Variants in CCNA1 observed in about 807,000 individuals in gnomAD.
CCNA1 encodes the protein cyclin-A1.
In CCNA1, 23 loss-of-function variants were observed where a neutral mutation model predicts 54.1. The ratio of observed to expected loss-of-function variants is 0.42; its 90% CI spans 0.31 to 0.60. The LOEUF is 0.60. CCNA1 is among the 20% of genes least tolerant of loss of function. The pLI is 0.14. For synonymous variants in CCNA1, 208 were observed against 213.9 expected, an observed-to-expected ratio of 0.97 and a Z score of 0.24; for missense variants, 450 against 556.7, an observed-to-expected ratio of 0.81 and a Z score of 1.93.
At position 36,437,691 on chromosome 13, in the gene CCNA1, A is replaced by T; in HGVS notation, c.360A>T (p.Lys120Asn). ...ATGCCTTCCCTCCAGCTGGAAAGAA[A>T]GCACTCCCTGACTGTGGGGTCCAAG... Residue 120 changes from lysine (K) to asparagine (N), a missense_variant, in exon 3 of 9, where the codon AAA (lysine) becomes AAT (asparagine). Physicochemically the swap from Lys to Asn is moderately conservative, Grantham distance 94 (BLOSUM62 0). Coordinates refer to ENST00000255465, the MANE Select transcript of CCNA1 (RefSeq NM_003914.4). 6.2e-7 allele frequency: 1 copy of T among 1,614,064 alleles called. No homozygotes were observed. The highest frequency in any genetic ancestry group is 8.5e-7 in the Non-Finnish European group (1 of 1,179,922).
chr13:36,438,423 T>C (rs1165935250), intron 4 of CCNA1, among the ~76,000 whole-genome samples: 1 of 152,162 alleles, frequency 6.6e-6, no homozygotes, highest in Non-Finnish European at 1.5e-5. Flanking sequence ...ATAATTCATA[T>C]TGCCATTCTC....
At chr13:36,433,665 C>A (rs1370447990) in intron 2 of CCNA1, among the ~76,000 whole-genome samples, 2 of 151,278 alleles carry the variant, frequency 1.3e-5, no homozygotes, top group East Asian at 3.9e-4. Flanking sequence ...CTCAGCCTCC[C>A]GAGTAGCTGG....
Position 36,442,741 on chromosome 13 carries a change from T to C in CCNA1, c.*76T>C. ...AATAATCGTCATAGGCTTCTGCACG[T>C]TGGATCAACTAATGTTGTTTACAAT... On this transcript the variant is annotated 3_prime_UTR_variant, in exon 9 of 9. Coordinates refer to ENST00000255465, the MANE Select transcript of CCNA1 (RefSeq NM_003914.4). 8.9e-7 allele frequency: 1 copy of C among 1,125,348 alleles called. No individual in the cohort carries two copies. Among genetic ancestry groups the C allele is most frequent in the Non-Finnish European group, 1.3e-6 (1 of 741,112 alleles). 69.7% of individuals were successfully genotyped at this position (1,125,348 alleles called of 1,614,324 possible).
intron 2 of CCNA1, among the ~76,000 whole-genome samples, chr13:36,434,826 GC>G (rs368520828): frequency 0.028 from 3,103 of 110,768 alleles, 214 homozygotes; most frequent in African/African-American, 0.09. Context: ...CATGAGAGGT[GC>G]CCCCCCCCCC....
At chr13:36,434,372 C>T (rs2055775173) in intron 2 of CCNA1, among the ~76,000 whole-genome samples, 1 of 152,176 alleles carries the variant, frequency 6.6e-6, no homozygotes, top group Admixed American at 6.5e-5. Flanking sequence ...GATTAGAAGC[C>T]TCTCATCTAC....
intron 2 of CCNA1, among the ~76,000 whole-genome samples, chr13:36,436,728 A>G (rs968560790): frequency 6.6e-6 from 1 of 152,224 alleles, no homozygotes; most frequent in African/African-American, 2.4e-5. Context: ...TCTTACAGAC[A>G]TAAGTCACCT....
At chr13:36,434,826 G>GC (rs368520828) in intron 2 of CCNA1, among the ~76,000 whole-genome samples, 8,158 of 110,592 alleles carry the variant, frequency 0.074, 486 homozygotes, top group Middle Eastern at 0.095. Flanking sequence ...CATGAGAGGT[G>GC]CCCCCCCCCC....
intron 2 of CCNA1, among the ~76,000 whole-genome samples, chr13:36,436,864 C>T (rs559910086): frequency 1.1e-4 from 17 of 152,152 alleles, no homozygotes; most frequent in Non-Finnish European, 2.2e-4. Flanking sequence ...CTGGCATTTG[C>T]GTAAATATAG....
chr13:36,437,650 T>C lies in CCNA1; in HGVS notation c.319T>C (p.Tyr107His). The C allele has an allele frequency of 6.2e-7, 1 of 1,614,024 alleles. No homozygotes were observed. The highest frequency in any genetic ancestry group is 8.5e-7 in the Non-Finnish European group (1 of 1,179,906). ...TTAGGGGATCACAAGAATCAGGTGT[T>C]ATTCTGGATCAGAAAATGCCTTCCC... The change falls in exon 3 of 9, where the codon TAT (tyrosine) becomes CAT (histidine). Residue 107 changes from tyrosine to histidine, a missense_variant. By Grantham distance (83) the Tyr-to-His change is moderately conservative (BLOSUM62 2). Around this residue, in one of 6 missense-constraint regions of CCNA1, gnomAD observed 19 missense variants for 40.5 expected, o/e 0.47. Transcript: ENST00000255465.
At position 36,433,369 on chromosome 13, in the gene CCNA1, A is replaced by AT. The variant is rs1356208853; in HGVS notation, c.297+152dup. ...GGACTACAGGAAAGTTGATTGATTTATTTTCTTTCTTTCTTTCTTTCTTTC... is the reference window on the plus strand; with the variant it reads ...GGACTACAGGAAAGTTGATTGATTTATTTTTCTTTCTTTCTTTCTTTCTTTC... On this transcript the variant is annotated intron_variant, in intron 2 of 8. Coordinates refer to ENST00000255465, the MANE Select transcript of CCNA1 (RefSeq NM_003914.4). The AT allele has an allele frequency of 3.2e-5, 11 of 339,622 alleles. 1 individual carries two copies. The Admixed American group carries it at 5.8e-4, about 18-fold the overall frequency. The allele number at this position is 339,622 out of a possible 1,614,324, so 21.0% of individuals were successfully genotyped here. A position where few individuals can be genotyped will look rare whatever the true frequency, so the allele number is the denominator to read the frequency against.
chr13:36,442,839 AT>A lies in CCNA1; in HGVS notation c.*180del, dbSNP rs1300447474. On this transcript the variant is annotated 3_prime_UTR_variant, in exon 9 of 9. Transcript: ENST00000255465. ...TTAGTAGTTTGTAATATAGTCCAAC[AT>A]TTTTTAAACAATAAACTGCTTGTCT... 8.4e-6 allele frequency: 5 copies of A among 593,514 alleles called. No homozygotes were observed. Among genetic ancestry groups the A allele is most frequent in the Non-Finnish European group, 1.5e-5 (5 of 335,680 alleles). The allele number at this position is 593,514 out of a possible 1,614,324, so 36.8% of individuals were successfully genotyped here.
rs781088948 is a variant in CCNA1 at position 36,442,311 on chromosome 13, C to T, written c.1346+7C>T. The stretch of plus-strand genomic sequence containing the variant: ...AGAAGTACAAGGCTTCAAAGTAAGT[C>T]ACTGACATTTTCATATCTTAGCTCT... On this transcript the variant is annotated splice_region_variant and intron_variant, in intron 8 of 8. Coordinates refer to ENST00000255465, the MANE Select transcript of CCNA1 (RefSeq NM_003914.4). 1 of 1,613,012 alleles carries T rather than the reference C, an allele frequency of 6.2e-7. No homozygotes were observed. The highest frequency in any genetic ancestry group is 1.1e-5 in the South Asian group (1 of 90,988).
chr13:36,442,264 C>A lies in CCNA1; in HGVS notation c.1306C>A (p.Arg436=). 1 of 1,613,892 alleles carries A rather than the reference C, an allele frequency of 6.2e-7. No homozygotes were observed. The highest frequency in any genetic ancestry group is 1.3e-5 in the African/African-American group (1 of 74,990). ...TAAAGCGTACCTTGATATACCCCATCGACCTCAGCAAGCAATTAGGGAGAA... is the reference window on the plus strand; with the variant it reads ...TAAAGCGTACCTTGATATACCCCATAGACCTCAGCAAGCAATTAGGGAGAA... Residue 436 remains arginine, a synonymous_variant, in exon 8 of 9, where the codon CGA becomes AGA. Coordinates refer to ENST00000255465, the MANE Select transcript of CCNA1 (RefSeq NM_003914.4).
At chr13:36,436,247 A>G (rs1404752627) in intron 2 of CCNA1, among the ~76,000 whole-genome samples, 2 of 152,204 alleles carry the variant, frequency 1.3e-5, no homozygotes, top group Non-Finnish European at 2.9e-5. Context: ...GCAAGTGAAC[A>G]AAAACAAAAT....
chr13:36,432,964 G>T (rs1297851258), intron 1 of CCNA1, 69 bp from the exon 2 acceptor site: 10 of 1,445,086 alleles, frequency 6.9e-6, no homozygotes, highest in Admixed American at 1.8e-5. Context: ...CTAGAGGTTC[G>T]CTGTGTCCTT....
chr13:36,433,633 C>G (rs907966751), intron 2 of CCNA1, among the ~76,000 whole-genome samples: 1 of 150,422 alleles, frequency 6.6e-6, no homozygotes, highest in African/African-American at 2.5e-5. Context: ...CTCCACCTCC[C>G]GGGTTCAAGC....
Sources: allele counts gnomAD v4.1 joint callset (sites outside exome capture counted in the v4.1 genomes callset), GRCh38; gene constraint gnomAD v4.1.1; regional missense constraint gnomAD v4.1.1; transcripts MANE v1.5; gene names NCBI Gene and HGNC (gene_info 2026-07-23, HGNC 2026-07-21).